Variants in MIS18A observed in about 807,000 individuals in gnomAD.
MIS18A encodes the protein protein Mis18-alpha.
In MIS18A, 14 loss-of-function variants were observed where a neutral mutation model predicts 25.0. The ratio of observed to expected loss-of-function variants is 0.56; its 90% CI spans 0.37 to 0.88. The LOEUF (loss-of-function observed/expected upper bound fraction) is 0.88, where lower values mean the gene tolerates loss of function less well. Among genes scored for constraint, MIS18A ranks in the 40% least tolerant of loss-of-function variants. The pLI, the probability that MIS18A is intolerant of heterozygous loss-of-function variation, is 0.00. For synonymous variants in MIS18A, 134 were observed against 118.6 expected, an observed-to-expected ratio of 1.13 and a Z score of -0.84; for missense variants, 292 against 290.8, an observed-to-expected ratio of 1.00 and a Z score of -0.03.
the MIS18A span, among the ~76,000 whole-genome samples, chr21:32,205,250 G>A: frequency 2.6e-5 from 4 of 151,642 alleles, no homozygotes; most frequent in East Asian, 7.8e-4. Context: ...GACTACAGGC[G>A]CCTGCCACCA....
At chr21:32,196,420 T>C in the MIS18A span, among the ~76,000 whole-genome samples, 14,356 of 151,812 alleles carry the variant, frequency 0.095, 752 homozygotes, top group Middle Eastern at 0.17. Context: ...CCTGCAGATC[T>C]TGGGGCTTCT....
chr21:32,272,905 C>T (rs2031739215), intron 2 of MIS18A, among the ~76,000 whole-genome samples: 1 of 152,150 alleles, frequency 6.6e-6, no homozygotes. Context: ...GGGTAACAAG[C>T]ATCATCCTAG....
chr21:32,232,516 C>T, the MIS18A span, among the ~76,000 whole-genome samples: 1 of 151,422 alleles, frequency 6.6e-6, no homozygotes, highest in Middle Eastern at 3.2e-3. Flanking sequence ...CCATTGTATA[C>T]AGAATAATAT....
the MIS18A span, among the ~76,000 whole-genome samples, chr21:32,243,890 A>G: frequency 6.6e-6 from 1 of 151,990 alleles, no homozygotes; most frequent in Non-Finnish European, 1.5e-5. Flanking sequence ...GCCGCAATGA[A>G]CTGCAGTGAG....
At chr21:32,233,860 A>T in the MIS18A span, among the ~76,000 whole-genome samples, 1 of 152,190 alleles carries the variant, frequency 6.6e-6, no homozygotes, top group Non-Finnish European at 1.5e-5. Context: ...CCAAAATTAA[A>T]GGGGAACAGA....
At chr21:32,253,860 G>A in the MIS18A span, among the ~76,000 whole-genome samples, 1 of 152,136 alleles carries the variant, frequency 6.6e-6, no homozygotes, top group African/African-American at 2.4e-5. Flanking sequence ...CCTGGAGAAA[G>A]TCAAAAAATT....
chr21:32,274,977 T>G (rs895931025), intron 1 of MIS18A, 81 bp from the exon 2 acceptor site: 1 of 1,192,624 alleles, frequency 8.4e-7, no homozygotes, highest in Admixed American at 2.3e-5. Context: ...CTAATCCAAC[T>G]TTTTAGAACT....
At chr21:32,207,599 G>A in the MIS18A span, among the ~76,000 whole-genome samples, 4 of 152,138 alleles carry the variant, frequency 2.6e-5, no homozygotes, top group East Asian at 7.7e-4. Context: ...TGGAGGGGCT[G>A]CAGCCTCTCT....
chr21:32,167,088 C>T, the MIS18A span, among the ~76,000 whole-genome samples: 1 of 152,174 alleles, frequency 6.6e-6, no homozygotes, highest in Admixed American at 6.5e-5. Flanking sequence ...TTTCCAAGTT[C>T]TCAAACTGAG....
the MIS18A span, among the ~76,000 whole-genome samples, chr21:32,191,021 G>T: frequency 6.6e-6 from 1 of 152,212 alleles, no homozygotes; most frequent in African/African-American, 2.4e-5. Flanking sequence ...AAGGAACCAG[G>T]TGGATTATAT....
the MIS18A span, among the ~76,000 whole-genome samples, chr21:32,255,290 A>C: frequency 6.6e-6 from 1 of 150,622 alleles, no homozygotes; most frequent in East Asian, 2.0e-4. Context: ...GAGTGCGGTG[A>C]TGTAATCTTG....
the MIS18A span, among the ~76,000 whole-genome samples, chr21:32,257,926 T>C: frequency 9.2e-5 from 14 of 152,338 alleles, no homozygotes; most frequent in Admixed American, 2.6e-4. Flanking sequence ...TTGGACAATG[T>C]TGTCGTCTAA....
At chr21:32,176,240 C>T in the MIS18A span, among the ~76,000 whole-genome samples, 4,667 of 152,166 alleles carry the variant, frequency 0.031, 136 homozygotes, top group Middle Eastern at 0.13. Flanking sequence ...ATGTACTATA[C>T]GTAATTGTAT....
the MIS18A span, among the ~76,000 whole-genome samples, chr21:32,213,084 C>A: frequency 6.6e-6 from 1 of 152,190 alleles, no homozygotes; most frequent in Non-Finnish European, 1.5e-5. Flanking sequence ...TGAATTGGTA[C>A]AACCTTTAAG....
the MIS18A span, among the ~76,000 whole-genome samples, chr21:32,246,797 G>T: frequency 1.3e-3 from 200 of 152,340 alleles, no homozygotes; most frequent in African/African-American, 4.8e-3. Context: ...AGCAGTGTCT[G>T]CCAGAGCGGG....
the MIS18A span, among the ~76,000 whole-genome samples, chr21:32,241,999 C>T: frequency 6.6e-6 from 1 of 152,230 alleles, no homozygotes; most frequent in Non-Finnish European, 1.5e-5. Context: ...CTGCCTCAGC[C>T]TCCCGAGTAG....
the MIS18A span, among the ~76,000 whole-genome samples, chr21:32,258,609 T>C: frequency 6.6e-6 from 1 of 152,110 alleles, no homozygotes; most frequent in African/African-American, 2.4e-5. Flanking sequence ...CTTTACAGCA[T>C]GTCAAACAGT....
At chr21:32,221,723 CAAAAAAAA>C in the MIS18A span, among the ~76,000 whole-genome samples, 2 of 108,690 alleles carry the variant, frequency 1.8e-5, no homozygotes, top group South Asian at 2.8e-4. Context: ...ACGAATAATA[CAAAAAAAA>C]AAAAAAAAAA....
chr21:32,234,029 T>C, the MIS18A span, among the ~76,000 whole-genome samples: 22 of 151,906 alleles, frequency 1.4e-4, no homozygotes, highest in Non-Finnish European at 2.6e-4. Flanking sequence ...GGCAGAAAAA[T>C]GATATTAAAT....
Sources: gnomAD v4.1 joint callset for allele counts (sites outside exome capture counted in the v4.1 genomes callset) on GRCh38, gnomAD v4.1.1 for gene constraint, MANE v1.5 for transcripts, NCBI Gene and HGNC (gene_info 2026-07-23, HGNC 2026-07-21) for gene names.